Variants in IL3RA observed in about 807,000 individuals in gnomAD.
The protein encoded by IL3RA is interleukin-3 receptor subunit alpha.
IL3RA carries 73 observed loss-of-function variants against 52.3 expected under a neutral mutation model. That is an observed-to-expected ratio of 1.40 (90% CI 1.16 to 1.70). The LOEUF (loss-of-function observed/expected upper bound fraction) is 1.70. IL3RA is among the 40% of genes most tolerant of loss of function. The pLI is 0.00. For synonymous variants in IL3RA, 260 were observed against 194.0 expected, an observed-to-expected ratio of 1.34 and a Z score of -2.83; for missense variants, 664 against 504.4, an observed-to-expected ratio of 1.32 and a Z score of -3.03.
intron 9 of IL3RA, among the ~76,000 whole-genome samples, chrX:1,370,099 C>A (rs2088488534): frequency 1.7e-4 from 2 of 11,508 alleles, no homozygotes; most frequent in South Asian, 0.014. Context: ...AGAGGGACGA[C>A]CCTGTGAGGA....
At chrX:1,360,460 A>G (rs1408858232) in intron 8 of IL3RA, among the ~76,000 whole-genome samples, 4 of 123,906 alleles carry the variant, frequency 3.2e-5, no homozygotes, top group Admixed American at 3.1e-4. Flanking sequence ...CCTTGTCTAT[A>G]TCTCCCCCTC....
At chrX:1,357,632 G>C (rs1285029941) in intron 7 of IL3RA, among the ~76,000 whole-genome samples, 12 of 151,868 alleles carry the variant, frequency 7.9e-5, no homozygotes, top group Non-Finnish European at 1.8e-4. Flanking sequence ...AAAGTGCTGG[G>C]ATTACAGGCG....
chrX:1,381,928 T>TTTTTG (rs770833059), intron 11 of IL3RA, among the ~76,000 whole-genome samples: 3 of 109,732 alleles, frequency 2.7e-5, no homozygotes, highest in Admixed American at 9.2e-5. Context: ...CTGTCAGAGT[T>TTTTTG]TTTTGTTTTG....
chrX:1,360,001 C>G (rs2087077642), intron 8 of IL3RA, among the ~76,000 whole-genome samples: 2 of 149,972 alleles, frequency 1.3e-5, no homozygotes, highest in African/African-American at 4.9e-5. Context: ...CTTTCTCTCT[C>G]TCCCCCGGTC....
chrX:1,363,204 G>A (rs1401632757), intron 8 of IL3RA, among the ~76,000 whole-genome samples: 4 of 152,110 alleles, frequency 2.6e-5, no homozygotes, highest in Non-Finnish European at 5.9e-5. Flanking sequence ...AGGCCCCATT[G>A]TAAGGTGCTG....
At position 1,353,065 on chromosome X, in the gene IL3RA, G is replaced by C. The variant is rs750309939; in HGVS notation, c.616+559G>C. On this transcript the variant is annotated intron_variant, in intron 6 of 11. Coordinates refer to ENST00000331035, the MANE Select transcript of IL3RA (RefSeq NM_002183.4). ...TGGGTCATGGGAACCCCCATCATGG[G>C]TCCCATCATTGGTCATAGGACCCCC... Among the ~76,000 whole-genome samples, 5 of 150,280 alleles carry C rather than the reference G, an allele frequency of 3.3e-5. No homozygotes were observed. The East Asian group carries it at 9.9e-4, about 30-fold the overall frequency.
rs188728453 is a variant in IL3RA at position 1,368,716 on chromosome X, A to T, written c.874+3464A>T. On this transcript the variant is annotated intron_variant, in intron 9 of 11. Coordinates refer to ENST00000331035, the MANE Select transcript of IL3RA (RefSeq NM_002183.4). ...AGGGACGACCCTGTGGGACACAGGGAGAAGACGGCGTCTCCAAGCCCAGGA... is the reference window on the plus strand; with the variant it reads ...AGGGACGACCCTGTGGGACACAGGGTGAAGACGGCGTCTCCAAGCCCAGGA... 4.1e-3 allele frequency among the ~76,000 whole-genome samples: 610 copies of T among 150,386 alleles called. 2 individuals carry two copies. Among genetic ancestry groups the T allele is most frequent in the African/African-American group, 0.015 (592 of 40,556 alleles).
At chrX:1,358,653 C>CA (rs2086920969) in intron 7 of IL3RA, among the ~76,000 whole-genome samples, 1 of 152,052 alleles carries the variant, frequency 6.6e-6, no homozygotes, top group African/African-American at 2.4e-5. Flanking sequence ...AGTGAGACTC[C>CA]GTCTCATAAA....
At chrX:1,364,410 G>A (rs2087746782) in intron 8 of IL3RA, among the ~76,000 whole-genome samples, 1 of 152,018 alleles carries the variant, frequency 6.6e-6, no homozygotes, top group African/African-American at 2.4e-5. Context: ...AGAATCGCTT[G>A]AATCTGGGAG....
chrX:1,354,322 AC>A (rs1330320830), intron 6 of IL3RA, among the ~76,000 whole-genome samples: 1 of 151,940 alleles, frequency 6.6e-6, no homozygotes, highest in African/African-American at 2.4e-5. Flanking sequence ...AGTCCACGAT[AC>A]CCGAGCTCCG....
intron 8 of IL3RA, among the ~76,000 whole-genome samples, chrX:1,361,141 G>C (rs1328345704): frequency 1.4e-5 from 1 of 71,734 alleles, no homozygotes; most frequent in African/African-American, 6.7e-5. Context: ...TCCCCTCTCT[G>C]TCTCTCTCTC....
chrX:1,351,921 GAC>G (rs1278869388), intron 4 of IL3RA, among the ~76,000 whole-genome samples, 177 bp from the exon 5 acceptor site: 1 of 150,510 alleles, frequency 6.6e-6, no homozygotes, highest in African/African-American at 2.4e-5. Flanking sequence ...CGTGCCACCA[GAC>G]ACAGCTAATT....
intron 4 of IL3RA, 55 bp downstream of exon 4, chrX:1,348,600 C>T (rs1369498251): frequency 8.2e-7 from 1 of 1,215,882 alleles, no homozygotes; most frequent in African/African-American, 1.5e-5. Context: ...CCTTCCCTCT[C>T]TCCCTCCCTC....
intron 8 of IL3RA, among the ~76,000 whole-genome samples, chrX:1,363,908 C>T (rs1288226255): frequency 3.3e-5 from 5 of 151,690 alleles, no homozygotes; most frequent in Non-Finnish European, 7.4e-5. Flanking sequence ...TTTGGCTGGG[C>T]GCGGTGGCTC....
chrX:1,359,919 G>A (rs1425475621), intron 8 of IL3RA, among the ~76,000 whole-genome samples: 1 of 129,576 alleles, frequency 7.7e-6, no homozygotes, highest in African/African-American at 3.0e-5. Context: ...GTCTCTCCCT[G>A]TGTCTATCTC....
At chrX:1,354,387 A>T (rs1228533240) in intron 6 of IL3RA, among the ~76,000 whole-genome samples, 1 of 151,588 alleles carries the variant, frequency 6.6e-6, no homozygotes, top group Non-Finnish European at 1.5e-5. Context: ...ACGTGCCCTG[A>T]ACCCAAGGGC....
chrX:1,377,997 C>A (rs1341575479), intron 9 of IL3RA, among the ~76,000 whole-genome samples: 2 of 151,034 alleles, frequency 1.3e-5, no homozygotes, highest in African/African-American at 2.4e-5. Context: ...ACCAGCCTAA[C>A]GAAGATGGTG....
rs763398582 is a variant in IL3RA, at chrX:1,362,005, CCTCT to C, written c.759+3121_759+3124del. 9.3e-4 allele frequency among the ~76,000 whole-genome samples: 141 copies of C among 151,866 alleles called. 1 individual carries two copies. Among genetic ancestry groups the C allele is most frequent in the Non-Finnish European group, 1.6e-3 (108 of 67,938 alleles). On this transcript the variant is annotated intron_variant, in intron 8 of 11. Coordinates refer to ENST00000331035, the MANE Select transcript of IL3RA (RefSeq NM_002183.4). Reference sequence around the variant, plus strand: ...CTCTCTGTCTCTCTGCTTCTGTTTTCCTCTCTGTCTCTGTTTTTCTTTCCCTCTC... The same window carrying C: ...CTCTCTGTCTCTCTGCTTCTGTTTTCCTGTCTCTGTTTTTCTTTCCCTCTC...
At chrX:1,377,273 ACT>A (rs1314335142) in intron 9 of IL3RA, among the ~76,000 whole-genome samples, 1 of 150,752 alleles carries the variant, frequency 6.6e-6, no homozygotes, top group Non-Finnish European at 1.5e-5. Flanking sequence ...ATGGAGTCTC[ACT>A]CTGTCGCCAG....
Sources: gnomAD v4.1 joint callset for allele counts (sites outside exome capture counted in the v4.1 genomes callset) on GRCh38, gnomAD v4.1.1 for gene constraint, MANE v1.5 for transcripts, NCBI Gene and HGNC (gene_info 2026-07-23, HGNC 2026-07-21) for gene names.